Variants in PIK3C2G observed in about 807,000 individuals in gnomAD.
PIK3C2G encodes the protein phosphatidylinositol 3-kinase C2 domain-containing subunit gamma.
Under a neutral mutation model 181.1 loss-of-function variants are expected in PIK3C2G, and 168 were observed. The observed-to-expected ratio is 0.93, with a 90% CI of 0.82 to 1.05. The LOEUF (loss-of-function observed/expected upper bound fraction) is 1.05. PIK3C2G is among the 50% of genes least tolerant of loss of function. The pLI is 0.00. For synonymous variants in PIK3C2G, 573 were observed against 592.2 expected (o/e 0.97, Z 0.47); for missense variants, 1,869 against 1,732.8 (o/e 1.08, Z -1.40).
chr12:18,595,797 C>A (rs954419482), intron 30 of PIK3C2G, among the ~76,000 whole-genome samples: 1 of 152,090 alleles, frequency 6.6e-6, no homozygotes, highest in African/African-American at 2.4e-5. Context: ...GAAAAATCAT[C>A]CCCACATTTT....
intron 25 of PIK3C2G, among the ~76,000 whole-genome samples, chr12:18,538,999 C>T (rs187666163): frequency 1.3e-5 from 2 of 152,018 alleles, no homozygotes; most frequent in South Asian, 2.1e-4. Flanking sequence ...TAGGCACATA[C>T]GTACACACTA....
At chr12:18,521,821 C>G (rs1471946571) in intron 24 of PIK3C2G, among the ~76,000 whole-genome samples, 1 of 152,230 alleles carries the variant, frequency 6.6e-6, no homozygotes, top group East Asian at 1.9e-4. Flanking sequence ...CAGGCTTAAG[C>G]AGATTTTAGC....
intron 29 of PIK3C2G, among the ~76,000 whole-genome samples, chr12:18,578,089 T>G (rs1297037480): frequency 6.6e-6 from 1 of 152,198 alleles, no homozygotes; most frequent in Non-Finnish European, 1.5e-5. Context: ...ATGCTGGTTC[T>G]AAAGGTAGAA....
intron 11 of PIK3C2G, among the ~76,000 whole-genome samples, chr12:18,354,668 T>G (rs1940550605): frequency 6.6e-6 from 1 of 152,160 alleles, no homozygotes; most frequent in African/African-American, 2.4e-5. Context: ...TGGCCAAACC[T>G]TTGTGCAAAG....
chr12:18,600,754 T>C (rs1160364694), intron 30 of PIK3C2G, among the ~76,000 whole-genome samples: 1 of 152,038 alleles, frequency 6.6e-6, no homozygotes, highest in Admixed American at 6.6e-5. Context: ...CCAGAGAAGA[T>C]GATTCTAACA....
chr12:18,532,757 C>T (rs1268308360), intron 24 of PIK3C2G, among the ~76,000 whole-genome samples: 1 of 152,162 alleles, frequency 6.6e-6, no homozygotes, highest in African/African-American at 2.4e-5. Flanking sequence ...TGCCACATCA[C>T]AGTCTGGTAG....
At chr12:18,331,483 G>A (rs1305954148) in intron 8 of PIK3C2G, among the ~76,000 whole-genome samples, 1 of 152,020 alleles carries the variant, frequency 6.6e-6, no homozygotes, top group East Asian at 1.9e-4. Flanking sequence ...ATACGTGGGA[G>A]TGGAACTCAC....
intron 18 of PIK3C2G, among the ~76,000 whole-genome samples, chr12:18,467,255 G>A (rs989386094): frequency 6.6e-6 from 1 of 151,958 alleles, no homozygotes; most frequent in Non-Finnish European, 1.5e-5. Flanking sequence ...CAGCTTCAGA[G>A]AATTGATTCT....
chr12:18,676,976 A>C, the PIK3C2G span, among the ~76,000 whole-genome samples: 1 of 152,174 alleles, frequency 6.6e-6, no homozygotes, highest in Admixed American at 6.6e-5. Flanking sequence ...TCTGGTTCAA[A>C]CAACTTTGTT....
chr12:18,319,454 T>C (rs1951011045), intron 6 of PIK3C2G, among the ~76,000 whole-genome samples: 1 of 152,182 alleles, frequency 6.6e-6, no homozygotes, highest in Admixed American at 6.5e-5. Flanking sequence ...CTTTTGTTTT[T>C]TTTCAAGATC....
At chr12:18,623,122 C>T (rs1408199908) in intron 31 of PIK3C2G, among the ~76,000 whole-genome samples, 1 of 151,746 alleles carries the variant, frequency 6.6e-6, no homozygotes, top group Non-Finnish European at 1.5e-5. Flanking sequence ...ATTGCTCAGA[C>T]CAATGTCATG....
the PIK3C2G span, among the ~76,000 whole-genome samples, chr12:18,663,845 C>G: frequency 6.6e-6 from 1 of 152,114 alleles, no homozygotes; most frequent in Non-Finnish European, 1.5e-5. Flanking sequence ...GCAAATCATA[C>G]ATCTTATAAG....
intron 14 of PIK3C2G, among the ~76,000 whole-genome samples, chr12:18,383,801 G>T (rs1942991063): frequency 6.6e-6 from 1 of 151,238 alleles, no homozygotes; most frequent in Non-Finnish European, 1.5e-5. Context: ...GTTTTGGTTT[G>T]GGTTTGGGTG....
chr12:18,294,087 T>C (rs897671538), intron 5 of PIK3C2G, 72 bp downstream of exon 5: 32 of 702,840 alleles, frequency 4.6e-5, no homozygotes, highest in Non-Finnish European at 2.0e-5. Context: ...TATGGTTTTG[T>C]TTTAAACAGA....
chr12:18,668,461 G>C, the PIK3C2G span, among the ~76,000 whole-genome samples: 1 of 152,154 alleles, frequency 6.6e-6, no homozygotes, highest in Non-Finnish European at 1.5e-5. Flanking sequence ...GGAGCACCAA[G>C]GTGAGACAAG....
intron 1 of PIK3C2G, among the ~76,000 whole-genome samples, chr12:18,267,568 T>C (rs1029023180): frequency 3.9e-5 from 6 of 152,182 alleles, no homozygotes; most frequent in African/African-American, 1.2e-4. Context: ...AAATAATGTC[T>C]GCAGCTTATC....
intron 1 of PIK3C2G, among the ~76,000 whole-genome samples, chr12:18,255,216 AAAATAAATAAATAAAT>A (rs59041304): frequency 3.0e-5 from 4 of 131,858 alleles, no homozygotes; most frequent in Non-Finnish European, 4.8e-5. Flanking sequence ...CTCCGTCTCA[AAAATAAATAAATAAAT>A]AAATAAATAA....
At chr12:18,381,706 A>C (rs2137966713) in intron 13 of PIK3C2G, 60 bp from the exon 14 acceptor site, 1 of 953,996 alleles carries the variant, frequency 1.0e-6, no homozygotes, top group East Asian at 2.4e-5. Context: ...ATTTACAGAT[A>C]ATTATAACTT....
At chr12:18,402,200 G>T (rs1372234411) in intron 16 of PIK3C2G, among the ~76,000 whole-genome samples, 1 of 152,034 alleles carries the variant, frequency 6.6e-6, no homozygotes, top group Non-Finnish European at 1.5e-5. Flanking sequence ...TAATAAAAAG[G>T]AATGAATACT....
Sources: gnomAD v4.1 joint callset for allele counts (sites outside exome capture counted in the v4.1 genomes callset) on GRCh38, gnomAD v4.1.1 for gene constraint, MANE v1.5 for transcripts, NCBI Gene and HGNC (gene_info 2026-07-23, HGNC 2026-07-21) for gene names.